TET3: variants seen among roughly 807,000 people sequenced by gnomAD.
The protein encoded by TET3 is methylcytosine dioxygenase TET3.
TET3 carries 19 observed loss-of-function variants against 141.4 expected under a neutral mutation model. The observed-to-expected ratio is 0.13, with a 90% confidence interval of 0.09 to 0.20. The LOEUF is 0.20. Among genes scored for constraint, TET3 ranks in the 10% least tolerant of loss-of-function variants. The pLI, the probability that TET3 is intolerant of heterozygous loss-of-function variation, is 1.00. For missense variants in TET3, 1,874 were observed against 2,356.9 expected (o/e 0.80, Z 4.24); for synonymous variants, 1,043 against 980.9 (o/e 1.06, Z -1.18).
rs530199386 is a variant in TET3, at chr2:74,057,245, C to T, written c.2494+8834C>T. The stretch of plus-strand genomic sequence containing the variant: ...TCAGAGTGACCAGCTCAGTCCCTTT[C>T]GAGGGAATGAACCAAAATCCTAAGA... On this transcript the variant is annotated intron_variant, in intron 4 of 11. Coordinates refer to ENST00000409262, the MANE Select transcript of TET3 (RefSeq NM_001287491.2). Among the ~76,000 whole-genome samples, 9 of 152,312 alleles carry T rather than the reference C, an allele frequency of 5.9e-5. No homozygotes were observed. The East Asian group carries it at 7.7e-4, about 13-fold the overall frequency.
intron 4 of TET3, among the ~76,000 whole-genome samples, chr2:74,051,056 T>G (rs1445759823): frequency 6.6e-6 from 1 of 152,190 alleles, no homozygotes; most frequent in African/African-American, 2.4e-5. Context: ...AGCTGGGTTT[T>G]GAAAACTGTG....
At chr2:74,029,014 A>G (rs989409848) in intron 3 of TET3, among the ~76,000 whole-genome samples, 2 of 152,210 alleles carry the variant, frequency 1.3e-5, no homozygotes, top group African/African-American at 4.8e-5. Flanking sequence ...CAGTGTTTGT[A>G]GAACCATGGG....
At position 74,080,528 on chromosome 2, in the gene TET3, C is replaced by A. The variant is rs1474311297; in HGVS notation, c.2616C>A (p.Ile872=). ...GAGAGAAGGGGAAAGCCATCCGGAT[C>A]GAGAAGGTCATCTACACGGGGAAGG... is the stretch of plus-strand genomic sequence containing the variant. The part of the protein sequence containing the change: ...RYGEKGKAIR[I]EKVIYTGKEG... The change falls in exon 6 of 12, where the codon ATC becomes ATA. Residue 872 remains isoleucine, a synonymous_variant. Transcript: ENST00000409262. 4 of 1,613,164 alleles carry A rather than the reference C, an allele frequency of 2.5e-6. No individual in the cohort carries two copies. The highest frequency in any genetic ancestry group is 2.5e-6 in the Non-Finnish European group (3 of 1,179,634).
At chr2:74,057,798 T>A (rs1688295043) in intron 4 of TET3, among the ~76,000 whole-genome samples, 1 of 152,140 alleles carries the variant, frequency 6.6e-6, no homozygotes, top group Admixed American at 6.5e-5. Flanking sequence ...GAAGATTGAT[T>A]AACAAATAAA....
chr2:74,133,022 C>T, the TET3 span, among the ~76,000 whole-genome samples: 6 of 151,668 alleles, frequency 4.0e-5, no homozygotes, highest in Admixed American at 1.3e-4. Context: ...CTCAGCCTCC[C>T]GAGTAGCTGG....
intron 3 of TET3, among the ~76,000 whole-genome samples, chr2:74,033,928 T>G (rs1004097373): frequency 1.3e-5 from 2 of 151,968 alleles, no homozygotes; most frequent in Non-Finnish European, 2.9e-5. Context: ...AAATCCCATC[T>G]CTACTAAAAA....
At chr2:74,086,791 T>TAAAAA (rs33942081) in intron 6 of TET3, among the ~76,000 whole-genome samples, 5 of 94,038 alleles carry the variant, frequency 5.3e-5, no homozygotes, top group East Asian at 3.2e-4. Context: ...ACCCTGACTC[T>TAAAAA]AAAAAAAAAA....
chr2:74,099,559 C>T lies in TET3; in HGVS notation c.3551C>T (p.Pro1184Leu), dbSNP rs757647462. The change falls in exon 11 of 12, where the codon CCG becomes CTG. Residue 1184 changes from proline to leucine, a missense_variant. By Grantham distance (98) the Pro-to-Leu change is moderately conservative. Around this residue, in one of 10 missense-constraint regions of TET3, gnomAD observed 602 missense variants for 590.2 expected, o/e 1.02. Transcript: ENST00000409262. ...KKIQKEKLSTPEKIKQEALEL... is the reference protein window; with the variant it reads ...KKIQKEKLSTLEKIKQEALEL... ...ATTCAGAAGGAGAAGCTGAGCACTCCGGAGAAGATCAAGCAGGAGGCCCTG... is the reference window on the plus strand; with the variant it reads ...ATTCAGAAGGAGAAGCTGAGCACTCTGGAGAAGATCAAGCAGGAGGCCCTG... 13 of 1,607,026 alleles carry T rather than the reference C, an allele frequency of 8.1e-6. No individual in the cohort carries two copies. The highest frequency in any genetic ancestry group is 8.5e-6 in the Non-Finnish European group (10 of 1,176,476).
intron 5 of TET3, among the ~76,000 whole-genome samples, chr2:74,079,430 G>T (rs1347303719): frequency 6.6e-6 from 1 of 152,170 alleles, no homozygotes; most frequent in Non-Finnish European, 1.5e-5. Context: ...AAGGGAATAG[G>T]TGGCAAATGA....
At chr2:74,048,679 GTAGGAGGTAGTACTTGCGCCGAGCCC>G (rs1558747260) in intron 4 of TET3, among the ~76,000 whole-genome samples, 1 of 152,212 alleles carries the variant, frequency 6.6e-6, no homozygotes, top group Admixed American at 6.5e-5. Flanking sequence ...AGGCCTTCTT[GTAGGAGGTAGTACTTGCGCCGAGCCC>G]TACAGAGCCA....
chr2:73,994,174 T>C (rs1684465113), intron 2 of TET3, among the ~76,000 whole-genome samples: 1 of 152,084 alleles, frequency 6.6e-6, no homozygotes, highest in Non-Finnish European at 1.5e-5. Context: ...TCCTAGCAGG[T>C]AGGAATAACT....
chr2:73,986,873 G>C (rs1684053191), intron 2 of TET3, among the ~76,000 whole-genome samples, 167 bp downstream of exon 2: 1 of 152,116 alleles, frequency 6.6e-6, no homozygotes, highest in Non-Finnish European at 1.5e-5. Flanking sequence ...TCCTTTGCAG[G>C]GCTGACAATT....
At chr2:74,034,589 A>C (rs982689918) in intron 3 of TET3, among the ~76,000 whole-genome samples, 2 of 152,000 alleles carry the variant, frequency 1.3e-5, no homozygotes, top group Non-Finnish European at 2.9e-5. Flanking sequence ...AAAAAAAAAA[A>C]AAAAACCCTG....
chr2:73,985,664 C>G (rs770548505), intron 1 of TET3, among the ~76,000 whole-genome samples: 1 of 152,072 alleles, frequency 6.6e-6, no homozygotes, highest in African/African-American at 2.4e-5. Flanking sequence ...CCGGCGGCCT[C>G]CAGCCAGGGC....
the TET3 span, among the ~76,000 whole-genome samples, chr2:74,113,400 C>G: frequency 2.4e-4 from 36 of 152,132 alleles, no homozygotes; most frequent in East Asian, 4.4e-3. Flanking sequence ...AAAGAATGTC[C>G]ACTCTCATTA....
At chr2:74,044,526 C>T (rs552478382) in intron 3 of TET3, among the ~76,000 whole-genome samples, 116 of 152,296 alleles carry the variant, frequency 7.6e-4, no homozygotes, top group Admixed American at 3.4e-3. Context: ...ATTTTATAGA[C>T]ATGATGGGTT....
chr2:74,079,361 A>G (rs1448703387), intron 5 of TET3, among the ~76,000 whole-genome samples: 3 of 152,176 alleles, frequency 2.0e-5, no homozygotes, highest in Non-Finnish European at 4.4e-5. Flanking sequence ...GAAAGAAAAA[A>G]AAAGAAAGCC....
At chr2:73,994,663 G>T (rs1225011420) in intron 2 of TET3, among the ~76,000 whole-genome samples, 2 of 137,858 alleles carry the variant, frequency 1.5e-5, no homozygotes, top group Non-Finnish European at 3.0e-5. Flanking sequence ...TTTTGATACG[G>T]AGTCTCGCTG....
rs554113080 is a variant in TET3, at chr2:74,093,133, T to G, written c.3129+142T>G. ...CCAGAAGTAAAGCGATATGATGTGG[T>G]TCTTTGATAAAAACCCCTTTTTTAC... On this transcript the variant is annotated intron_variant, in intron 9 of 11. Coordinates refer to ENST00000409262, the MANE Select transcript of TET3 (RefSeq NM_001287491.2). The surrounding 1 kb of genome is among the most constrained non-coding windows in gnomAD (Gnocchi z 4.2). 2.5e-4 allele frequency: 203 copies of G among 812,370 alleles called. No individual in the cohort carries two copies. The highest frequency in any genetic ancestry group is 1.9e-3 in the African/African-American group (111 of 57,586). 50.3% of individuals were successfully genotyped at this position (812,370 alleles called of 1,614,324 possible).
Sources: gnomAD v4.1 joint callset for allele counts (sites outside exome capture counted in the v4.1 genomes callset) on GRCh38, gnomAD v4.1.1 for gene constraint, gnomAD v4.1.1 regional missense constraint, Gnocchi (gnomAD v3.1) non-coding constraint, MANE v1.5 for transcripts, NCBI Gene and HGNC (gene_info 2026-07-23, HGNC 2026-07-21) for gene names.